The following ANO8 variants were observed in gnomAD, a reference collection of about 807,000 sequenced individuals.
The protein encoded by ANO8 is anoctamin-8.
A neutral mutation model predicts 120.4 loss-of-function variants in ANO8; 67 were observed. The ratio of observed to expected loss-of-function variants is 0.56; its 90% CI spans 0.46 to 0.68. The LOEUF is 0.68. Ranked by LOEUF, ANO8 falls within the 30% of genes least tolerant of loss-of-function variation. The probability of loss-of-function intolerance (pLI) is 0.00; values close to 1 mark genes in which losing one functional copy is unlikely to be tolerated. For missense variants in ANO8, 1,526 were observed against 1,737.6 expected (o/e 0.88, Z 2.16); for synonymous variants, 727 against 759.2 (o/e 0.96, Z 0.70).
At chr19:17,325,421 A>G (rs758981795) in intron 16 of ANO8, 35 bp from the exon 17 acceptor site, 10 of 1,541,250 alleles carry the variant, frequency 6.5e-6, no homozygotes, top group African/African-American at 2.7e-5. Flanking sequence ...AGGACTAAGA[A>G]GAAAGGGTGT....
intron 1 of ANO8, 98 bp downstream of exon 1, chr19:17,334,467 C>T (rs2074346282): frequency 1.8e-6 from 2 of 1,121,772 alleles, no homozygotes; most frequent in Admixed American, 2.3e-5. Context: ...CCAGACACCA[C>T]GCCAGGTTAC....
At chr19:17,324,364 T>TC in intron 17 of ANO8, among the ~76,000 whole-genome samples, 1 of 151,102 alleles carries the variant, frequency 6.6e-6, no homozygotes, top group South Asian at 2.1e-4. Flanking sequence ...GGGGGTCAAG[T>TC]CCCCCCCAAG....
rs376730847 is a variant in ANO8 at position 17,330,017 on chromosome 19, A to G, written c.1274-3T>C. 19 of 1,613,700 alleles carry G rather than the reference A, an allele frequency of 1.2e-5. No homozygotes were observed. In the African/African-American group the frequency reaches 2.4e-4, roughly 20 times the overall value. ...GGCGCTCTCCAGCCGGTAATTTTCT[A>G]GGGGCCAAGGGGGGGAGTGAGGGGG... On this transcript the variant is annotated splice_region_variant and splice_polypyrimidine_tract_variant and intron_variant, in intron 10 of 17. Transcript: ENST00000159087.
In ANO8 at chr19:17,330,258, G is replaced by A. The variant is rs778092080; in HGVS notation, c.1147-7C>T. The A allele has an allele frequency of 1.1e-5, 17 of 1,613,972 alleles. No homozygotes were observed. Among genetic ancestry groups the A allele is most frequent in the Non-Finnish European group, 1.4e-5 (16 of 1,179,994 alleles). On this transcript the variant is annotated splice_polypyrimidine_tract_variant and splice_region_variant and intron_variant, in intron 9 of 17. Coordinates refer to ENST00000159087, the MANE Select transcript of ANO8 (RefSeq NM_020959.3). ...TCACGCTCAGCACCAGCTCCTGCGG[G>A]AGAAGGGGGTTCAGGGCTCATCCCA...
At position 17,328,602 on chromosome 19, in the gene ANO8, C is replaced by G. The variant is rs1228912722; in HGVS notation, c.1786G>C (p.Glu596Gln). Residue 596 changes from glutamate to glutamine, a missense_variant, in exon 13 of 18, where the codon GAG becomes CAG. By Grantham distance (29) the Glu-to-Gln change is conservative. This residue lies in a region of ANO8 where 467 missense variants were observed against 425.8 expected (regional missense o/e 1.10). Coordinates refer to ENST00000159087, the MANE Select transcript of ANO8 (RefSeq NM_020959.3). ...DDEEEEDEEE[E>Q]EDEEEGEEGG... The stretch of plus-strand genomic sequence containing the variant: ...TCCTCGCCCTCCTCCTCGTCCTCCT[C>G]TTCCTCCTCGTCCTCCTCCTCCTCG... The G allele has an allele frequency of 3.9e-6, 6 of 1,544,234 alleles. No individual in the cohort carries two copies. The Admixed American group carries it at 5.9e-5, about 15-fold the overall frequency.
Position 17,333,258 on chromosome 19 carries a change from A to C in ANO8, c.351-19T>G. On this transcript the variant is annotated intron_variant, in intron 3 of 17. Transcript: ENST00000159087. The surrounding 1 kb of genome is among the most constrained non-coding windows in gnomAD (Gnocchi z 7.2). ...GAGTAGGCTGTGAAGAAGGCGGAGG[A>C]GGTGGGCTCACAGGGAGGCCCCGGC... 6.2e-7 allele frequency: 1 copy of C among 1,604,900 alleles called. No homozygotes were observed.
Position 17,329,797 on chromosome 19 carries a change from T to C in ANO8, c.1364A>G (p.Tyr455Cys), listed in dbSNP as rs1276475140. 6.2e-7 allele frequency: 1 copy of C among 1,613,510 alleles called. No individual in the cohort carries two copies. The highest frequency in any genetic ancestry group is 1.7e-5 in the Admixed American group (1 of 59,972). The change falls in exon 12 of 18, where the codon TAC becomes TGC. Residue 455 changes from tyrosine (Y) to cysteine (C), a missense_variant. Physicochemically the swap from Tyr to Cys is radical, Grantham distance 194 (BLOSUM62 -2). This residue lies in a region of ANO8 where 23 missense variants were observed against 53.3 expected (regional missense o/e 0.43). Transcript: ENST00000159087. ...QFVNSYLSLF[Y>C]IGFYLKDMER... is the part of the protein sequence containing the mutation. The stretch of plus-strand genomic sequence containing the variant: ...CATGTCCTTGAGGTAGAAACCGATG[T>C]AGAAGAGGCTCAGGTACGAGTTGAC...
chr19:17,331,243 ACCC>A (rs748423992), intron 6 of ANO8, 28 bp from the exon 7 acceptor site: 10 of 1,613,500 alleles, frequency 6.2e-6, no homozygotes, highest in Non-Finnish European at 8.5e-6. Context: ...GGTCTCAGTC[ACCC>A]CCTGCCTGTC....
rs758235146 is a variant in ANO8 at position 17,325,009 on chromosome 19, T to C, written c.3039A>G (p.Ser1013=). 6.2e-7 allele frequency: 1 copy of C among 1,612,680 alleles called. No individual in the cohort carries two copies. Among genetic ancestry groups the C allele is most frequent in the East Asian group, 2.2e-5 (1 of 44,866 alleles). The change falls in exon 17 of 18, where the codon TCA becomes TCG. Residue 1013 remains serine, a synonymous_variant. Coordinates refer to ENST00000159087, the MANE Select transcript of ANO8 (RefSeq NM_020959.3). The part of the protein sequence containing the change: ...GATTRPPPAQ[S]PTGSDTRLPA... The stretch of plus-strand genomic sequence containing the variant: ...GCAGGCGGGTGTCGCTGCCTGTGGG[T>C]GACTGGGCAGGGGGAGGCCGGGTGG...
Position 17,334,578 on chromosome 19 carries a change from C to A in ANO8, c.93G>T (p.Ala31=). ...CCGCACACATACCCAGAACTCCGGA[C>A]GCCGGGGCTGCAGGCTCGCCCTCCG... is the stretch of plus-strand genomic sequence containing the variant. ...PPPEGEPAAP[A]SGVLDKLFGK... Residue 31 remains alanine (A), a synonymous_variant, in exon 1 of 18, where the codon GCG becomes GCT. Coordinates refer to ENST00000159087, the MANE Select transcript of ANO8 (RefSeq NM_020959.3). 1 of 1,553,146 alleles carries A rather than the reference C, an allele frequency of 6.4e-7. No homozygotes were observed. The highest frequency in any genetic ancestry group is 1.4e-5 in the African/African-American group (1 of 71,098).
Position 17,328,351 on chromosome 19 carries a change from G to A in ANO8, c.2037C>T (p.Phe679=). Residue 679 remains phenylalanine, a synonymous_variant, in exon 13 of 18, where the codon TTC becomes TTT. Coordinates refer to ENST00000159087, the MANE Select transcript of ANO8 (RefSeq NM_020959.3). ...CTCGGCCCTCGCCCCCGGCCCGGCG[G>A]AACAAGATGGCCGGGGGCTCCCGTT... ...SPEREPPAIL[F]RRAGGEGRDQ... The A allele has an allele frequency of 6.3e-7, 1 of 1,576,940 alleles. No individual in the cohort carries two copies.
Position 17,332,973 on chromosome 19 carries a change from T to A in ANO8, c.543A>T (p.Gly181=). 6.2e-7 allele frequency: 1 copy of A among 1,614,190 alleles called. No individual in the cohort carries two copies. Among genetic ancestry groups the A allele is most frequent in the Non-Finnish European group, 8.5e-7 (1 of 1,180,048 alleles). Residue 181 remains glycine, a synonymous_variant, in exon 5 of 18, where the codon GGA becomes GGT. Coordinates refer to ENST00000159087, the MANE Select transcript of ANO8 (RefSeq NM_020959.3). The part of the protein sequence containing the change: ...FWLQNLRAKQ[G]EALHNVRFLE... The stretch of plus-strand genomic sequence containing the variant: ...GGAAGCGCACGTTGTGGAGTGCTTC[T>A]CCCTGCTTGGCACGCAAATTCTGCA...
intron 12 of ANO8, chr19:17,329,207 C>T (rs2074298814): frequency 4.2e-6 from 2 of 477,922 alleles, no homozygotes; most frequent in African/African-American, 2.1e-5. Context: ...ACCTCACGGG[C>T]AGGCCCAGCG....
At chr19:17,329,016 T>G (rs2145687618) in intron 12 of ANO8, 33 bp from the exon 13 acceptor site, 7 of 1,405,774 alleles carry the variant, frequency 5.0e-6, no homozygotes, top group Non-Finnish European at 5.6e-6. Context: ...GAGAGGCGCG[T>G]GGGGGGCAAG....
At chr19:17,329,554 CGACGGACAGATG>C (rs948762883) in intron 12 of ANO8, 191 bp downstream of exon 12, 3 of 601,616 alleles carry the variant, frequency 5.0e-6, no homozygotes. Flanking sequence ...GTGAAGGGAC[CGACGGACAGATG>C]GACGGACAGA....
rs564364504 is a variant in ANO8 at position 17,328,881 on chromosome 19, G to A, written c.1507C>T (p.Arg503Trp). 560 of 1,500,918 alleles carry A rather than the reference G, an allele frequency of 3.7e-4. 1 individual carries two copies. The highest frequency in any genetic ancestry group is 4.6e-4 in the Non-Finnish European group (519 of 1,129,486). The allele number at this position is 1,500,918 out of a possible 1,614,324, so 93.0% of individuals were successfully genotyped here. Residue 503 changes from arginine (R) to tryptophan (W), a missense_variant, in exon 13 of 18, where the codon CGG becomes TGG. Coordinates refer to ENST00000159087, the MANE Select transcript of ANO8 (RefSeq NM_020959.3). Reference sequence around the variant, plus strand: ...GCTCGGGCCAGCTCCCAGACGGCCCGCAGGCCCAGCTCGCCGCGGCCCAGG... The same window carrying A: ...GCTCGGGCCAGCTCCCAGACGGCCCACAGGCCCAGCTCGCCGCGGCCCAGG... ...RRLGRGELGL[R>W]AVWELARALL...
chr19:17,327,174 G>T, intron 16 of ANO8, 61 bp downstream of exon 16: 1 of 1,388,298 alleles, frequency 7.2e-7, no homozygotes, highest in Non-Finnish European at 9.8e-7. Flanking sequence ...TGGCCACCAA[G>T]ATCAGAGATC....
At position 17,328,910 on chromosome 19, in the gene ANO8, C is replaced by A. The variant is rs774838895; in HGVS notation, c.1478G>T (p.Arg493Leu). The A allele has an allele frequency of 2.2e-5, 33 of 1,508,772 alleles. No individual in the cohort carries two copies. Among genetic ancestry groups the A allele is most frequent in the Non-Finnish European group, 2.9e-5 (33 of 1,131,820 alleles). The allele number at this position is 1,508,772 out of a possible 1,614,324, so 93.5% of individuals were successfully genotyped here. ...GCCCAGCTCGCCGCGGCCCAGGCGC[C>A]GGTACAGGTGCGGCTGCAGGACCTC... ...VREVLQPHLY[R>L]RLGRGELGLR... Residue 493 changes from arginine to leucine, a missense_variant, in exon 13 of 18, where the codon CGG (arginine) becomes CTG (leucine). By Grantham distance (102) the Arg-to-Leu change is moderately radical. This residue lies in a region of ANO8 where 467 missense variants were observed against 425.8 expected (regional missense o/e 1.10). Coordinates refer to ENST00000159087, the MANE Select transcript of ANO8 (RefSeq NM_020959.3).
In ANO8 at chr19:17,333,259, G is replaced by A; in HGVS notation, c.351-20C>T. On this transcript the variant is annotated intron_variant, in intron 3 of 17. Transcript: ENST00000159087. The surrounding 1 kb of genome is among the most constrained non-coding windows in gnomAD (Gnocchi z 7.2). Reference sequence around the variant, plus strand: ...AGTAGGCTGTGAAGAAGGCGGAGGAGGTGGGCTCACAGGGAGGCCCCGGCC... The same window carrying A: ...AGTAGGCTGTGAAGAAGGCGGAGGAAGTGGGCTCACAGGGAGGCCCCGGCC... 3 of 1,604,962 alleles carry A rather than the reference G, an allele frequency of 1.9e-6. No individual in the cohort carries two copies. The highest frequency in any genetic ancestry group is 1.1e-5 in the South Asian group (1 of 90,748).
Sources: gnomAD v4.1 joint callset for allele counts (sites outside exome capture counted in the v4.1 genomes callset) on GRCh38, gnomAD v4.1.1 for gene constraint, gnomAD v4.1.1 regional missense constraint, Gnocchi (gnomAD v3.1) non-coding constraint, MANE v1.5 for transcripts, NCBI Gene and HGNC (gene_info 2026-07-23, HGNC 2026-07-21) for gene names.